The following C1QTNF3 variants were observed in gnomAD, a reference collection of about 807,000 sequenced individuals.
C1QTNF3 encodes C1q and TNF related 3.
A neutral mutation model predicts 32.6 loss-of-function variants in C1QTNF3; 26 were observed. The observed-to-expected ratio is 0.80, with a 90% CI of 0.58 to 1.11. C1QTNF3 has a LOEUF of 1.11. Among genes scored for constraint, C1QTNF3 ranks in the 50% least tolerant of loss-of-function variants. The pLI is 0.00. For synonymous variants in C1QTNF3, 155 were observed against 146.0 expected (o/e 1.06, Z -0.44); for missense variants, 362 against 398.2 (o/e 0.91, Z 0.77).
upstream of C1QTNF3, among the ~76,000 whole-genome samples, chr5:34,045,418 A>G (rs1045867130): frequency 6.6e-6 from 1 of 152,196 alleles, no homozygotes; most frequent in Non-Finnish European, 1.5e-5. Flanking sequence ...AGATGATTCT[A>G]AGGTGCATCC....
chr5:34,176,374 G>A, the C1QTNF3 span, among the ~76,000 whole-genome samples: 2 of 148,732 alleles, frequency 1.3e-5, no homozygotes, highest in African/African-American at 2.5e-5. Context: ...TGCACAATGT[G>A]CACATGTACC....
the C1QTNF3 span, among the ~76,000 whole-genome samples, chr5:34,103,349 C>T: frequency 5.9e-5 from 9 of 151,568 alleles, no homozygotes; most frequent in African/African-American, 1.5e-4. Context: ...CAGGCTGGAG[C>T]GGAGTGTAGT....
chr5:34,183,459 T>C, the C1QTNF3 span, among the ~76,000 whole-genome samples: 34 of 139,418 alleles, frequency 2.4e-4, no homozygotes, highest in Admixed American at 2.0e-3. Flanking sequence ...GCCTTCCGAG[T>C]ACCTGGGAAT....
the C1QTNF3 span, among the ~76,000 whole-genome samples, chr5:34,052,489 A>T: frequency 1.3e-5 from 2 of 152,338 alleles, no homozygotes; most frequent in East Asian, 1.9e-4. Flanking sequence ...GGACAGATAG[A>T]TGGATGAACA....
chr5:34,028,061 C>T (rs112184026), intron 4 of C1QTNF3, among the ~76,000 whole-genome samples: 3 of 152,276 alleles, frequency 2.0e-5, no homozygotes, highest in African/African-American at 7.2e-5. Flanking sequence ...CAAGCTCCGC[C>T]TCCCGGGTTC....
chr5:34,142,431 C>CAAAAA, the C1QTNF3 span, among the ~76,000 whole-genome samples: 11 of 133,584 alleles, frequency 8.2e-5, no homozygotes, highest in African/African-American at 3.1e-4. Context: ...GACTCCATCT[C>CAAAAA]AAAAAAAAAA....
chr5:34,224,125 C>A, the C1QTNF3 span, among the ~76,000 whole-genome samples: 5 of 152,142 alleles, frequency 3.3e-5, no homozygotes, highest in African/African-American at 1.2e-4. Flanking sequence ...AGAAGAACAA[C>A]AAACCACTGC....
the C1QTNF3 span, among the ~76,000 whole-genome samples, chr5:34,060,134 A>C: frequency 6.6e-6 from 1 of 152,206 alleles, no homozygotes; most frequent in Non-Finnish European, 1.5e-5. Flanking sequence ...ATACTTCCTA[A>C]TGTAAATGAC....
At chr5:34,202,723 C>T in the C1QTNF3 span, among the ~76,000 whole-genome samples, 1 of 152,062 alleles carries the variant, frequency 6.6e-6, no homozygotes, top group Non-Finnish European at 1.5e-5. Flanking sequence ...CATAGCACAG[C>T]ATTTTGTACT....
chr5:34,100,795 C>A, the C1QTNF3 span, among the ~76,000 whole-genome samples: 2 of 149,896 alleles, frequency 1.3e-5, no homozygotes, highest in Non-Finnish European at 3.0e-5. Context: ...CACAGTTATA[C>A]AAGCACACTG....
At chr5:34,072,619 C>T in the C1QTNF3 span, among the ~76,000 whole-genome samples, 1 of 152,064 alleles carries the variant, frequency 6.6e-6, no homozygotes, top group Non-Finnish European at 1.5e-5. Context: ...GAGCTAGAAA[C>T]TAAATATTAT....
chr5:34,101,812 T>TG, the C1QTNF3 span, among the ~76,000 whole-genome samples: 5 of 151,806 alleles, frequency 3.3e-5, no homozygotes, highest in Admixed American at 1.3e-4. Context: ...GCTAAACCTC[T>TG]GTTCATGTGC....
chr5:34,051,571 A>G, the C1QTNF3 span, among the ~76,000 whole-genome samples: 2 of 152,226 alleles, frequency 1.3e-5, no homozygotes, highest in African/African-American at 4.8e-5. Context: ...ACACTGCCTG[A>G]GCTCAAATAA....
the C1QTNF3 span, among the ~76,000 whole-genome samples, chr5:34,075,876 G>GGTGT: frequency 4.9e-3 from 717 of 147,028 alleles, 23 homozygotes; most frequent in African/African-American, 0.017. Flanking sequence ...AAACAATTAT[G>GGTGT]GTGTGTGTGT....
chr5:34,202,307 T>C, the C1QTNF3 span, among the ~76,000 whole-genome samples: 1 of 151,430 alleles, frequency 6.6e-6, no homozygotes, highest in African/African-American at 2.4e-5. Context: ...CTGGAACCTA[T>C]ATTACTCTCG....
the C1QTNF3 span, among the ~76,000 whole-genome samples, chr5:34,117,944 A>G: frequency 6.6e-6 from 1 of 152,174 alleles, no homozygotes; most frequent in African/African-American, 2.4e-5. Flanking sequence ...TGCTTTTAAA[A>G]TCAACTATGA....
the C1QTNF3 span, among the ~76,000 whole-genome samples, chr5:34,113,545 C>T: frequency 6.6e-6 from 1 of 151,726 alleles, no homozygotes; most frequent in Non-Finnish European, 1.5e-5. Flanking sequence ...TGAACCAGTA[C>T]CAAAAGCATT....
chr5:34,050,619 G>A, the C1QTNF3 span, among the ~76,000 whole-genome samples: 4 of 151,950 alleles, frequency 2.6e-5, no homozygotes, highest in African/African-American at 9.7e-5. Context: ...CCTGCCCTTC[G>A]GTTAAAACAA....
At chr5:34,085,151 C>T in the C1QTNF3 span, among the ~76,000 whole-genome samples, 10 of 149,768 alleles carry the variant, frequency 6.7e-5, no homozygotes, top group African/African-American at 2.2e-4. Flanking sequence ...CCACTACGCC[C>T]GGCTAATTTT....
Sources: gnomAD v4.1 joint callset for allele counts (sites outside exome capture counted in the v4.1 genomes callset) on GRCh38, gnomAD v4.1.1 for gene constraint, MANE v1.5 for transcripts, NCBI Gene and HGNC (gene_info 2026-07-23, HGNC 2026-07-21) for gene names.